The following PCDHA13 variants were observed in gnomAD, a reference collection of about 807,000 sequenced individuals.
The protein encoded by PCDHA13 is protocadherin alpha-13.
PCDHA13 carries 54 observed loss-of-function variants against 64.8 expected under a neutral mutation model. That is an observed-to-expected ratio of 0.83 (90% CI 0.67 to 1.04). PCDHA13 has a LOEUF of 1.04. Among genes scored for constraint, PCDHA13 ranks in the 50% least tolerant of loss-of-function variants. PCDHA13 has a pLI of 0.00. For missense variants in PCDHA13, 1,248 were observed against 1,254.3 expected (o/e 0.99, Z 0.08); for synonymous variants, 587 against 564.4 (o/e 1.04, Z -0.57).
chr5:140,892,012 G>A (rs1032416226), intron 1 of PCDHA13, among the ~76,000 whole-genome samples: 9 of 152,176 alleles, frequency 5.9e-5, no homozygotes, highest in Admixed American at 5.9e-4. Context: ...TGTTATAGCA[G>A]CACAAATGGT....
intron 1 of PCDHA13, among the ~76,000 whole-genome samples, chr5:140,961,560 AT>A (rs1223583703): frequency 1.4e-4 from 22 of 152,140 alleles, no homozygotes; most frequent in African/African-American, 4.6e-4. Flanking sequence ...CTTTTTTTAA[AT>A]TTTGTTTTGA....
rs781845683 is a variant in PCDHA13 at position 140,883,393 on chromosome 5, C to T, written c.1125C>T (p.Ser375=). The T allele has an allele frequency of 1.2e-6, 2 of 1,614,160 alleles. No homozygotes were observed. Among genetic ancestry groups the T allele is most frequent in the South Asian group, 2.2e-5 (2 of 91,080 alleles). Residue 375 remains serine, a synonymous_variant, in exon 1 of 4, where the codon TCC becomes TCT. Transcript: ENST00000289272. The part of the protein sequence containing the change: ...PSAIIALISV[S]DRDSGSNGQV... ...CCATTATTGCCCTAATCAGTGTGTCCGATCGTGACTCTGGCTCAAATGGAC... is the reference window on the plus strand; with the variant it reads ...CCATTATTGCCCTAATCAGTGTGTCTGATCGTGACTCTGGCTCAAATGGAC...
At chr5:140,955,477 C>T (rs1401684156) in intron 1 of PCDHA13, among the ~76,000 whole-genome samples, 2 of 152,128 alleles carry the variant, frequency 1.3e-5, no homozygotes, top group African/African-American at 4.8e-5. Context: ...CTTGGCACCT[C>T]TCCTTCCTGC....
chr5:140,951,551 A>C (rs246040), intron 1 of PCDHA13, among the ~76,000 whole-genome samples: 2 of 151,590 alleles, frequency 1.3e-5, no homozygotes, highest in African/African-American at 4.8e-5. Flanking sequence ...GACGGGGGGA[A>C]GTGCTACGCA....
At chr5:140,967,885 A>G in intron 1 of PCDHA13, 1 of 1,614,134 alleles carries the variant, frequency 6.2e-7, no homozygotes, top group South Asian at 1.1e-5. Context: ...TGTATAGCCC[A>G]GTGCCTGAGA....
In PCDHA13 at chr5:141,010,018, T is replaced by G. The variant is rs1257083450; in HGVS notation, c.*81T>G. On this transcript the variant is annotated 3_prime_UTR_variant, in exon 4 of 4. Coordinates refer to ENST00000289272, the MANE Select transcript of PCDHA13 (RefSeq NM_018904.3). ...TCCCATGTAGCAATTCCCTGCTCCTTTTTCCTATCTACATGAGCCCTCTTA... is the reference window on the plus strand; with the variant it reads ...TCCCATGTAGCAATTCCCTGCTCCTGTTTCCTATCTACATGAGCCCTCTTA... 2.5e-5 allele frequency: 40 copies of G among 1,571,834 alleles called. No homozygotes were observed. Among genetic ancestry groups the G allele is most frequent in the Non-Finnish European group, 3.4e-5 (39 of 1,163,118 alleles).
rs1554206642 is a variant in PCDHA13, at chr5:140,929,061, G to C, written c.2394+44399G>C. The C allele has an allele frequency of 3.1e-6, 5 of 1,614,196 alleles. No individual in the cohort carries two copies. In the South Asian group the frequency reaches 5.5e-5, roughly 18 times the overall value. On this transcript the variant is annotated intron_variant, in intron 1 of 3. Transcript: ENST00000289272. Reference sequence around the variant, plus strand: ...CTCAGAGCTGCTGTCGCTCTACAGAGGATCTGAGGTATGGAAGTAAGATGG... The same window carrying C: ...CTCAGAGCTGCTGTCGCTCTACAGACGATCTGAGGTATGGAAGTAAGATGG...
chr5:140,978,974 G>T lies in PCDHA13; in HGVS notation c.2420G>T (p.Arg807Leu). ...KEPRQPNPDW[R>L]YSASLRAGMH... is the part of the protein sequence containing the mutation. ...CCACGACAGCCCAACCCTGACTGGC[G>T]TTACTCTGCCTCCCTGAGAGCAGGC... Residue 807 changes from arginine to leucine, a missense_variant, in exon 2 of 4, where the codon CGT becomes CTT. Arg to Leu is a moderately radical substitution (Grantham distance 102, BLOSUM62 -2). Coordinates refer to ENST00000289272, the MANE Select transcript of PCDHA13 (RefSeq NM_018904.3). 6.2e-7 allele frequency: 1 copy of T among 1,614,130 alleles called. No individual in the cohort carries two copies. Among genetic ancestry groups the T allele is most frequent in the East Asian group, 2.2e-5 (1 of 44,882 alleles).
At chr5:140,947,341 A>C (rs1159995588) in intron 1 of PCDHA13, among the ~76,000 whole-genome samples, 1 of 151,806 alleles carries the variant, frequency 6.6e-6, no homozygotes, top group East Asian at 1.9e-4. Context: ...TGTGGGCTTA[A>C]TTCTGGACTC....
chr5:140,956,775 C>T (rs1176979643), intron 1 of PCDHA13, among the ~76,000 whole-genome samples: 1 of 152,112 alleles, frequency 6.6e-6, no homozygotes, highest in Non-Finnish European at 1.5e-5. Context: ...CTGTCTGGTC[C>T]TGGGCTTTGT....
At chr5:140,916,929 G>A (rs2077785456) in intron 1 of PCDHA13, among the ~76,000 whole-genome samples, 1 of 152,214 alleles carries the variant, frequency 6.6e-6, no homozygotes, top group African/African-American at 2.4e-5. Context: ...GAGCACTTAA[G>A]CATATAGTGG....
intron 1 of PCDHA13, among the ~76,000 whole-genome samples, chr5:140,921,271 A>C (rs1190111273): frequency 1.3e-5 from 2 of 152,142 alleles, no homozygotes; most frequent in East Asian, 1.9e-4. Flanking sequence ...TTTTATACTT[A>C]CTTGAAAAAA....
At chr5:140,915,690 T>G (rs1330039439) in intron 1 of PCDHA13, among the ~76,000 whole-genome samples, 1 of 151,558 alleles carries the variant, frequency 6.6e-6, no homozygotes, top group African/African-American at 2.4e-5. Context: ...AGGGGTATGG[T>G]GATGCAAGCA....
intron 1 of PCDHA13, chr5:140,929,108 C>T (rs1255119645): frequency 6.2e-7 from 1 of 1,614,080 alleles, no homozygotes; most frequent in African/African-American, 1.3e-5. Flanking sequence ...TGCATGACAT[C>T]AGCCACCATA....
chr5:140,897,304 G>A (rs1297881439), intron 1 of PCDHA13, among the ~76,000 whole-genome samples: 1 of 150,768 alleles, frequency 6.6e-6, no homozygotes, highest in Non-Finnish European at 1.5e-5. Flanking sequence ...TTTAGCATTA[G>A]GTATATCTCC....
rs782624216 is a variant in PCDHA13, at chr5:140,884,324, G to T, written c.2056G>T (p.Ala686Ser). Residue 686 changes from alanine (A) to serine (S), a missense_variant, in exon 1 of 4, where the codon GCT becomes TCT. Transcript: ENST00000289272. ...PQASSRASAG[A>S]VGPEAALVDV... ...GGCTTCGTCGAGGGCGTCGGCAGGC[G>T]CTGTGGGTCCAGAAGCGGCGCTGGT... 2 of 1,613,840 alleles carry T rather than the reference G, an allele frequency of 1.2e-6. No homozygotes were observed. The highest frequency in any genetic ancestry group is 1.7e-6 in the Non-Finnish European group (2 of 1,179,870).
At chr5:140,900,954 A>T (rs942765998) in intron 1 of PCDHA13, among the ~76,000 whole-genome samples, 3 of 152,204 alleles carry the variant, frequency 2.0e-5, no homozygotes, top group Non-Finnish European at 2.9e-5. Context: ...TTCTCTGATT[A>T]TCAGTGATGT....
chr5:140,924,909 AATAAAAT>A (rs1563069072), intron 1 of PCDHA13, among the ~76,000 whole-genome samples: 5 of 66,374 alleles, frequency 7.5e-5, no homozygotes, highest in African/African-American at 2.5e-4. Context: ...AAAAAAATAA[AATAAAAT>A]AAAATAAAAT....
At chr5:140,905,116 C>A (rs570992369) in intron 1 of PCDHA13, among the ~76,000 whole-genome samples, 1 of 152,282 alleles carries the variant, frequency 6.6e-6, no homozygotes, top group Non-Finnish European at 1.5e-5. Context: ...TTGCCTAAGC[C>A]AATGTCTAGA....
Sources: allele counts gnomAD v4.1 joint callset (sites outside exome capture counted in the v4.1 genomes callset), GRCh38; gene constraint gnomAD v4.1.1; transcripts MANE v1.5; gene names NCBI Gene and HGNC (gene_info 2026-07-23, HGNC 2026-07-21).